The following HIKESHI variants were observed in gnomAD, a reference collection of about 807,000 sequenced individuals.
The protein encoded by HIKESHI is heat shock protein nuclear import factor hikeshi, also known as protein Hikeshi.
In HIKESHI, 13 loss-of-function variants were observed where a neutral mutation model predicts 25.7. That is an observed-to-expected ratio of 0.51 (90% CI 0.33 to 0.80). The LOEUF is 0.80. Ranked by LOEUF, HIKESHI falls within the 30% of genes least tolerant of loss-of-function variation. HIKESHI has a pLI of 0.02. For missense variants in HIKESHI, 174 were observed against 229.5 expected (o/e 0.76, Z 1.56); for synonymous variants, 76 against 78.7 (o/e 0.97, Z 0.18).
intron 2 of HIKESHI, among the ~76,000 whole-genome samples, chr11:86,308,577 T>TTATTTATTTATTTATTTATTTATG (rs1555183545): frequency 6.6e-6 from 1 of 150,900 alleles, no homozygotes; most frequent in East Asian, 1.9e-4. Context: ...ATTTATTTAT[T>TTATTTATTTATTTATTTATTTATG]TATCTATAAT....
chr11:86,304,381 G>C (rs750093644), intron 1 of HIKESHI, among the ~76,000 whole-genome samples: 9 of 151,980 alleles, frequency 5.9e-5, no homozygotes, highest in Non-Finnish European at 1.3e-4. Context: ...TAAACAGCAC[G>C]ATCACCAACA....
chr11:86,303,830 A>T (rs1171637018), intron 1 of HIKESHI, among the ~76,000 whole-genome samples: 1 of 152,174 alleles, frequency 6.6e-6, no homozygotes, highest in Non-Finnish European at 1.5e-5. Flanking sequence ...TTTTTTTCTT[A>T]AAGAGATACA....
At chr11:86,309,004 A>G (rs982786626) in intron 2 of HIKESHI, among the ~76,000 whole-genome samples, 5 of 118,760 alleles carry the variant, frequency 4.2e-5, no homozygotes, top group Non-Finnish European at 9.6e-5. Flanking sequence ...AGTCTTTGCT[A>G]TTGTGAATAG....
rs191701558 is a variant in HIKESHI, at chr11:86,311,475, T to C, written c.268+4993T>C. 3.5e-4 allele frequency among the ~76,000 whole-genome samples: 54 copies of C among 152,242 alleles called. 1 individual carries two copies. In the East Asian group the frequency reaches 9.1e-3, roughly 26 times the overall value. ...TTTTCTTCTTTGTTAGTCTTGCTAG[T>C]GGTCTATGTATTTTGTTGATCTTTC... On this transcript the variant is annotated intron_variant, in intron 2 of 4. Transcript: ENST00000278483.
At chr11:86,325,645 G>A (rs1947260202) in intron 2 of HIKESHI, among the ~76,000 whole-genome samples, 2 of 151,910 alleles carry the variant, frequency 1.3e-5, no homozygotes, top group South Asian at 2.1e-4. Flanking sequence ...AGGCCTAGGT[G>A]GGTGGATCAT....
At chr11:86,310,080 T>TA (rs879715299) in intron 2 of HIKESHI, among the ~76,000 whole-genome samples, 14 of 148,276 alleles carry the variant, frequency 9.4e-5, no homozygotes, top group Non-Finnish European at 1.8e-4. Flanking sequence ...AACTTTAAAG[T>TA]AGTTTTTTCC....
At chr11:86,312,158 G>A (rs1282926630) in intron 2 of HIKESHI, among the ~76,000 whole-genome samples, 4 of 152,024 alleles carry the variant, frequency 2.6e-5, no homozygotes, top group African/African-American at 7.3e-5. Flanking sequence ...TTGACAGTGG[G>A]GTGTTAAAGT....
Position 86,345,714 on chromosome 11 carries a change from AG to A in HIKESHI, c.*78del. On this transcript the variant is annotated 3_prime_UTR_variant, in exon 5 of 5. Coordinates refer to ENST00000278483, the MANE Select transcript of HIKESHI (RefSeq NM_016401.4). The stretch of plus-strand genomic sequence containing the variant: ...ATAACTGACTCCATCTAAAAGTATG[AG>A]GTCAAAGGATCACGAAACCTAAGTT... The A allele has an allele frequency of 1.2e-6, 1 of 802,294 alleles. No individual in the cohort carries two copies. Among genetic ancestry groups the A allele is most frequent in the Non-Finnish European group, 1.9e-6 (1 of 514,126 alleles). 49.7% of individuals were successfully genotyped at this position (802,294 alleles called of 1,614,324 possible). A position where few individuals can be genotyped will look rare whatever the true frequency, so the allele number is the denominator to read the frequency against.
At chr11:86,344,966 A>T in intron 4 of HIKESHI, 1 of 541,888 alleles carries the variant, frequency 1.8e-6, no homozygotes, top group South Asian at 4.7e-5. Flanking sequence ...TGTTTTAGGG[A>T]CCACTATTAA....
intron 3 of HIKESHI, among the ~76,000 whole-genome samples, chr11:86,341,488 C>CTTTTTTTT (rs112151717): frequency 3.5e-5 from 5 of 142,810 alleles, no homozygotes; most frequent in African/African-American, 2.6e-5. Flanking sequence ...TGGAATTCTC[C>CTTTTTTTT]TTTTTTTTTT....
intron 1 of HIKESHI, among the ~76,000 whole-genome samples, chr11:86,302,851 T>A (rs1946531867): frequency 6.6e-6 from 1 of 152,184 alleles, no homozygotes; most frequent in Non-Finnish European, 1.5e-5. Context: ...AGAACTAAGT[T>A]CAATCGCCAG....
intron 2 of HIKESHI, among the ~76,000 whole-genome samples, chr11:86,320,227 T>G (rs1298851097): frequency 6.6e-6 from 1 of 152,236 alleles, no homozygotes; most frequent in Non-Finnish European, 1.5e-5. Context: ...GGACCCAATT[T>G]TAATTTTTCA....
intron 2 of HIKESHI, among the ~76,000 whole-genome samples, chr11:86,332,165 A>G (rs1470027424): frequency 1.3e-5 from 2 of 151,626 alleles, no homozygotes; most frequent in African/African-American, 2.4e-5. Context: ...GGGGTTTCAC[A>G]GTGTTAGCCA....
chr11:86,340,100 A>G (rs1947685076), intron 3 of HIKESHI, among the ~76,000 whole-genome samples: 1 of 152,156 alleles, frequency 6.6e-6, no homozygotes, highest in South Asian at 2.1e-4. Flanking sequence ...TTATAGCTGC[A>G]TAGTATTCCA....
At chr11:86,319,093 G>T (rs1947075813) in intron 2 of HIKESHI, among the ~76,000 whole-genome samples, 1 of 151,412 alleles carries the variant, frequency 6.6e-6, no homozygotes, top group African/African-American at 2.4e-5. Context: ...CTTATTTTTT[G>T]TAGAGATAGG....
At chr11:86,323,220 G>T (rs889382672) in intron 2 of HIKESHI, among the ~76,000 whole-genome samples, 3 of 151,370 alleles carry the variant, frequency 2.0e-5, no homozygotes, top group African/African-American at 7.3e-5. Context: ...GACAGAGTGA[G>T]ACCCTGTCTT....
intron 2 of HIKESHI, among the ~76,000 whole-genome samples, chr11:86,325,462 G>T: frequency 6.6e-6 from 1 of 152,058 alleles, no homozygotes; most frequent in East Asian, 1.9e-4. Flanking sequence ...GTGGGTGATG[G>T]TTAAGAACTC....
In HIKESHI at chr11:86,308,652, T is replaced by C. The variant is rs561541462; in HGVS notation, c.268+2170T>C. Among the ~76,000 whole-genome samples, 538 of 151,582 alleles carry C rather than the reference T, an allele frequency of 3.5e-3. 3 individuals are homozygous for C. The highest frequency in any genetic ancestry group is 0.013 in the African/African-American group (520 of 41,284). ...CATTACATATGTATACATGTGCCAT[T>C]TTGGTGTGCTGCACCCGTTAACTCG... On this transcript the variant is annotated intron_variant, in intron 2 of 4. Coordinates refer to ENST00000278483, the MANE Select transcript of HIKESHI (RefSeq NM_016401.4).
At chr11:86,344,458 G>A (rs556715498) in intron 3 of HIKESHI, 145 bp from the exon 4 acceptor site, 117 of 502,852 alleles carry the variant, frequency 2.3e-4, no homozygotes, top group Middle Eastern at 5.1e-4. Flanking sequence ...ATGAGCCACC[G>A]CACCCAGCCA....
Sources: allele counts gnomAD v4.1 joint callset (sites outside exome capture counted in the v4.1 genomes callset), GRCh38; gene constraint gnomAD v4.1.1; transcripts MANE v1.5; gene names NCBI Gene and HGNC (gene_info 2026-07-23, HGNC 2026-07-21).